SF3B3: variants seen among roughly 807,000 people sequenced by gnomAD.
SF3B3 encodes the protein splicing factor 3b subunit 3.
A neutral mutation model predicts 139.2 loss-of-function variants in SF3B3; 33 were observed. The ratio of observed to expected loss-of-function variants is 0.24; its 90% confidence interval spans 0.18 to 0.32. The LOEUF is 0.32. SF3B3 is among the 10% of genes least tolerant of loss of function. SF3B3 has a pLI of 1.00. For missense variants in SF3B3, 818 were observed against 1,509.4 expected (o/e 0.54, Z 7.59); for synonymous variants, 596 against 563.6 (o/e 1.06, Z -0.81).
Position 70,569,064 on chromosome 16 carries a change from A to G in SF3B3, c.3187A>G (p.Asn1063Asp), listed in dbSNP as rs776635635. The change falls in exon 23 of 26, where the codon AAT becomes GAT. Residue 1063 changes from asparagine (N) to aspartate (D), a missense_variant. Coordinates refer to ENST00000302516, the MANE Select transcript of SF3B3 (RefSeq NM_012426.5). Reference protein sequence around the residue: ...ICVVRLPPNTNDEVDEDPTGN... With the variant: ...ICVVRLPPNTDDEVDEDPTGN... ...GTAGGTGAGGCTCCCACCTAACACC[A>G]ATGATGAAGTAGATGAGGATCCTAC... 1 of 1,611,088 alleles carries G rather than the reference A, an allele frequency of 6.2e-7. No homozygotes were observed. The highest frequency in any genetic ancestry group is 8.5e-7 in the Non-Finnish European group (1 of 1,178,954).
At chr16:70,551,177 G>T (rs1395322677) in intron 11 of SF3B3, among the ~76,000 whole-genome samples, 1 of 152,150 alleles carries the variant, frequency 6.6e-6, no homozygotes, top group East Asian at 1.9e-4. Context: ...GGCAAGGCAA[G>T]TAGAAGAAAA....
rs770747584 is a variant in SF3B3, at chr16:70,569,986, A to G, written c.3265-20A>G. On this transcript the variant is annotated intron_variant, in intron 23 of 25. Coordinates refer to ENST00000302516, the MANE Select transcript of SF3B3 (RefSeq NM_012426.5). ...GCTCCTGAGGGTGCACACAGTCACT[A>G]GTCTGTTTGTGACTCACAGGCAGAG... 3.1e-6 allele frequency: 5 copies of G among 1,613,480 alleles called. No individual in the cohort carries two copies. The East Asian group carries it at 8.9e-5, about 29-fold the overall frequency.
Position 70,541,546 on chromosome 16 carries a change from C to T in SF3B3, c.1068-123C>T. On this transcript the variant is annotated intron_variant, in intron 8 of 25. Transcript: ENST00000302516. ...CTAGCTGTCGTACTTAGTGATAACA[C>T]CTAAAAATAATAACAATAGTATCTT... 9.0e-6 allele frequency: 7 copies of T among 777,186 alleles called. No individual in the cohort carries two copies. In the South Asian group the frequency reaches 1.5e-4, roughly 16 times the overall value. The allele number at this position is 777,186 out of a possible 1,614,324, so 48.1% of individuals were successfully genotyped here.
At chr16:70,561,575 A>G (rs1414742535) in intron 16 of SF3B3, 55 bp from the exon 17 acceptor site, 1 of 1,538,190 alleles carries the variant, frequency 6.5e-7, no homozygotes, top group Non-Finnish European at 8.9e-7. Flanking sequence ...AGCTTATACC[A>G]TATTTGTATT....
intron 8 of SF3B3, among the ~76,000 whole-genome samples, chr16:70,540,802 G>A (rs562015662): frequency 3.3e-5 from 5 of 151,790 alleles, no homozygotes; most frequent in East Asian, 3.9e-4. Flanking sequence ...TTTTTGTGGC[G>A]GAATAACTCA....
At position 70,528,464 on chromosome 16, in the gene SF3B3, CTTTTT is replaced by C. The variant is rs71387528; in HGVS notation, c.71-389_71-385del. On this transcript the variant is annotated intron_variant, in intron 2 of 25. Coordinates refer to ENST00000302516, the MANE Select transcript of SF3B3 (RefSeq NM_012426.5). Reference sequence around the variant, plus strand: ...ACAGGTGTGAGCCACTGTGCGTGGCCTTTTTTTTTTTTTTTTTTTTTTTTAGAGAC... The same window carrying C: ...ACAGGTGTGAGCCACTGTGCGTGGCCTTTTTTTTTTTTTTTTTTTAGAGAC... 4.0e-3 allele frequency among the ~76,000 whole-genome samples: 412 copies of C among 103,902 alleles called. 5 individuals carry two copies. The highest frequency in any genetic ancestry group is 0.015 in the African/African-American group (376 of 24,670). The allele number at this position is 103,902 out of a possible 152,430, so 68.2% of individuals were successfully genotyped here.
rs112288724 is a variant in SF3B3 at position 70,544,393 on chromosome 16, A to C, written c.1234-45A>C. 1.5e-3 allele frequency: 1,717 copies of C among 1,121,274 alleles called. 21 individuals are homozygous for C. In the African/African-American group the frequency reaches 0.022, roughly 14 times the overall value. The allele number at this position is 1,121,274 out of a possible 1,614,324, so 69.5% of individuals were successfully genotyped here. A position where few individuals can be genotyped will look rare whatever the true frequency, so the allele number is the denominator to read the frequency against. ...CTAGAGAATCAGAGTTGTGTTTGAA[A>C]ACAGCACTGGAGACATTTTTTCCTC... On this transcript the variant is annotated intron_variant, in intron 9 of 25. Transcript: ENST00000302516.
At chr16:70,536,427 G>C (rs575397079) in intron 6 of SF3B3, among the ~76,000 whole-genome samples, 16 of 151,986 alleles carry the variant, frequency 1.1e-4, no homozygotes, top group South Asian at 8.3e-4. Context: ...GTAGTGGTGC[G>C]ATCTGGGCTC....
At chr16:70,538,598 C>A in intron 7 of SF3B3, 138 bp downstream of exon 7, 1 of 676,196 alleles carries the variant, frequency 1.5e-6, no homozygotes, top group Non-Finnish European at 2.4e-6. Flanking sequence ...TAGATTTTCT[C>A]TCTGGTTATC....
intron 12 of SF3B3, 41 bp downstream of exon 12, chr16:70,554,638 C>G (rs765456014): frequency 6.2e-7 from 1 of 1,605,312 alleles, no homozygotes; most frequent in Non-Finnish European, 8.5e-7. Flanking sequence ...CTGCTTTGTT[C>G]TTTCTTGGCC....
chr16:70,532,460 A>G lies in SF3B3; in HGVS notation c.571-19A>G. The stretch of plus-strand genomic sequence containing the variant: ...GATTTTATGCTGATGATTAGTTTTT[A>G]TGCCACTATTCTCTGTAGGAAGCAG... On this transcript the variant is annotated intron_variant, in intron 4 of 25. Coordinates refer to ENST00000302516, the MANE Select transcript of SF3B3 (RefSeq NM_012426.5). 1.2e-6 allele frequency: 2 copies of G among 1,610,140 alleles called. No homozygotes were observed. Among genetic ancestry groups the G allele is most frequent in the Non-Finnish European group, 1.7e-6 (2 of 1,178,256 alleles).
At chr16:70,528,299 G>C (rs989147510) in intron 2 of SF3B3, among the ~76,000 whole-genome samples, 3 of 150,768 alleles carry the variant, frequency 2.0e-5, no homozygotes, top group African/African-American at 7.3e-5. Context: ...GGAGTAGCTG[G>C]GATTATAGGC....
intron 10 of SF3B3, among the ~76,000 whole-genome samples, chr16:70,544,867 A>G (rs866092782): frequency 6.6e-5 from 10 of 151,836 alleles, no homozygotes; most frequent in South Asian, 6.2e-4. Context: ...GCTTTTTTCT[A>G]TTCCTCAACT....
intron 20 of SF3B3, among the ~76,000 whole-genome samples, chr16:70,566,905 T>A (rs1218963340): frequency 2.0e-5 from 3 of 151,940 alleles, no homozygotes; most frequent in African/African-American, 7.3e-5. Context: ...AGATAATTAG[T>A]CAGGCTTGAT....
intron 15 of SF3B3, among the ~76,000 whole-genome samples, chr16:70,559,307 A>G (rs1257510533): frequency 6.6e-6 from 1 of 152,092 alleles, no homozygotes; most frequent in East Asian, 1.9e-4. Flanking sequence ...TTTTTTTCCC[A>G]TTGTTCACCT....
At chr16:70,524,077 G>T in intron 1 of SF3B3, 149 bp downstream of exon 1, 1 of 393,118 alleles carries the variant, frequency 2.5e-6, no homozygotes, top group Non-Finnish European at 4.5e-6. Context: ...TGGTTGAGGC[G>T]CCAAAACGGC....
At chr16:70,546,360 G>A (rs1008645216) in intron 10 of SF3B3, among the ~76,000 whole-genome samples, 1 of 152,212 alleles carries the variant, frequency 6.6e-6, no homozygotes, top group Non-Finnish European at 1.5e-5. Context: ...CACAAAAAAT[G>A]CATATGTGCG....
At chr16:70,535,157 C>A (rs753735557) in intron 5 of SF3B3, 151 bp from the exon 6 acceptor site, 9 of 523,500 alleles carry the variant, frequency 1.7e-5, no homozygotes, top group Non-Finnish European at 2.4e-5. Flanking sequence ...CCTTATCTAC[C>A]ATGAACATAA....
rs77288859 is a variant in SF3B3 at position 70,564,993 on chromosome 16, C to T, written c.2464-72C>T. The T allele has an allele frequency of 0.02, 29,068 of 1,427,938 alleles. 2,128 individuals are homozygous for T. The East Asian group carries it at 0.21, about 10-fold the overall frequency. The allele number at this position is 1,427,938 out of a possible 1,614,324, so 88.5% of individuals were successfully genotyped here. ...TTGAGAACCCCCTGGAGTGTTCTTG[C>T]TACCTATCCTCTTCTCAGCCAGCCC... On this transcript the variant is annotated intron_variant, in intron 18 of 25. Coordinates refer to ENST00000302516, the MANE Select transcript of SF3B3 (RefSeq NM_012426.5).
Sources: gnomAD v4.1 joint callset for allele counts (sites outside exome capture counted in the v4.1 genomes callset) on GRCh38, gnomAD v4.1.1 for gene constraint, MANE v1.5 for transcripts, NCBI Gene and HGNC (gene_info 2026-07-23, HGNC 2026-07-21) for gene names.